Variants in PTPRT observed in about 807,000 individuals in gnomAD.
PTPRT encodes the protein protein tyrosine phosphatase receptor type T.
In PTPRT, 56 loss-of-function variants were observed where a neutral mutation model predicts 176.8. That is an observed-to-expected ratio of 0.32 (90% CI 0.26 to 0.40). PTPRT has a LOEUF of 0.40. Ranked by LOEUF, PTPRT falls within the 10% of genes least tolerant of loss-of-function variation. The pLI is 1.00. For synonymous variants in PTPRT, 783 were observed against 739.0 expected (o/e 1.06, Z -0.96); for missense variants, 1,540 against 1,908.2 (o/e 0.81, Z 3.60).
chr20:42,708,599 G>C (rs576884744), intron 6 of PTPRT, among the ~76,000 whole-genome samples: 1 of 152,276 alleles, frequency 6.6e-6, no homozygotes, highest in South Asian at 2.1e-4. Context: ...TAGCAGGCAT[G>C]CTCTACACGT....
intron 11 of PTPRT, among the ~76,000 whole-genome samples, chr20:42,349,537 G>C (rs1208508938): frequency 6.6e-6 from 1 of 152,152 alleles, no homozygotes; most frequent in Non-Finnish European, 1.5e-5. Context: ...ACTTATCCAT[G>C]GCTAGTTCAC....
At chr20:42,363,105 G>GAA (rs71193658) in intron 9 of PTPRT, among the ~76,000 whole-genome samples, 11,361 of 47,174 alleles carry the variant, frequency 0.24, 2,108 homozygotes, top group African/African-American at 0.27. Context: ...CTCCATTTCA[G>GAA]AAAAAAAAAA....
chr20:42,203,122 T>C (rs1220209703), intron 15 of PTPRT, among the ~76,000 whole-genome samples: 1 of 152,190 alleles, frequency 6.6e-6, no homozygotes, highest in Non-Finnish European at 1.5e-5. Context: ...TATGGATAGA[T>C]GTTATGGCAA....
chr20:42,185,161 C>T lies in PTPRT; in HGVS notation c.2491+14079G>A, dbSNP rs556977745. Among the ~76,000 whole-genome samples, 8 of 152,290 alleles carry T rather than the reference C, an allele frequency of 5.3e-5. No homozygotes were observed. The East Asian group carries it at 1.5e-3, about 29-fold the overall frequency. On this transcript the variant is annotated intron_variant, in intron 16 of 30. Transcript: ENST00000373187. Reference sequence around the variant, plus strand: ...GGTATCCATGACCACATAGATTAAACCCATGTAACAGGTGCCCATCATCTC... The same window carrying T: ...GGTATCCATGACCACATAGATTAAATCCATGTAACAGGTGCCCATCATCTC...
intron 7 of PTPRT, among the ~76,000 whole-genome samples, chr20:42,586,836 C>T (rs1270212637): frequency 3.3e-5 from 5 of 152,088 alleles, no homozygotes; most frequent in Admixed American, 6.5e-5. Context: ...GACAGGGTGA[C>T]CTTTTGTGGC....
chr20:42,731,716 G>A (rs906719217), intron 6 of PTPRT, among the ~76,000 whole-genome samples: 3 of 152,102 alleles, frequency 2.0e-5, no homozygotes, highest in Admixed American at 2.0e-4. Context: ...CCTCCCCTGT[G>A]GCCTCTAAGG....
At chr20:42,872,738 T>G (rs1243088958) in intron 2 of PTPRT, among the ~76,000 whole-genome samples, 1 of 152,170 alleles carries the variant, frequency 6.6e-6, no homozygotes, top group Non-Finnish European at 1.5e-5. Context: ...GGAGGGATGA[T>G]GTGTGGCCCA....
intron 12 of PTPRT, among the ~76,000 whole-genome samples, chr20:42,309,497 C>CT (rs975557051): frequency 6.6e-6 from 1 of 152,140 alleles, no homozygotes; most frequent in African/African-American, 2.4e-5. Context: ...AAAAAAGGTC[C>CT]TTTAGGACTC....
intron 7 of PTPRT, among the ~76,000 whole-genome samples, chr20:42,668,990 G>A (rs902583293): frequency 3.3e-5 from 5 of 151,058 alleles, no homozygotes; most frequent in Non-Finnish European, 7.4e-5. Context: ...GATTACAGGC[G>A]TGAGTCACCA....
Position 42,807,964 on chromosome 20 carries a change from G to A in PTPRT, c.215-16498C>T, listed in dbSNP as rs192740689. Among the ~76,000 whole-genome samples the A allele has an allele frequency of 3.0e-3, 463 of 152,282 alleles. 9 individuals carry two copies. The highest frequency in any genetic ancestry group is 0.028 in the Admixed American group (435 of 15,298). ...GAAACTTGTCTCCCCAGCTGCCAGG[G>A]CACTTAGGCACACAGTCTTTAGCAG... On this transcript the variant is annotated intron_variant, in intron 2 of 30. Transcript: ENST00000373187.
intron 1 of PTPRT, among the ~76,000 whole-genome samples, chr20:43,068,913 C>T (rs766084094): frequency 3.3e-5 from 5 of 152,176 alleles, no homozygotes; most frequent in Non-Finnish European, 5.9e-5. Flanking sequence ...TGAAAGGTCA[C>T]TGGAGTTGCA....
chr20:43,161,991 C>G (rs150782515), intron 1 of PTPRT, among the ~76,000 whole-genome samples: 1 of 152,136 alleles, frequency 6.6e-6, no homozygotes, highest in Non-Finnish European at 1.5e-5. Context: ...TACACAGACT[C>G]GATAGATTAT....
At chr20:42,106,946 T>C (rs746841481) in intron 23 of PTPRT, 25 bp from the exon 24 acceptor site, 1 of 1,608,360 alleles carries the variant, frequency 6.2e-7, no homozygotes, top group South Asian at 1.1e-5. Context: ...TGGTCTGTGT[T>C]AAGGATCTTC....
At chr20:42,217,410 CACACACACACACACAG>C (rs762086419) in intron 15 of PTPRT, among the ~76,000 whole-genome samples, 7,350 of 107,588 alleles carry the variant, frequency 0.068, 286 homozygotes, top group African/African-American at 0.13. Context: ...CACACACACA[CACACACACACACACAG>C]AACATTACGT....
intron 13 of PTPRT, among the ~76,000 whole-genome samples, chr20:42,266,954 T>C (rs368194539): frequency 2.0e-5 from 3 of 152,282 alleles, no homozygotes; most frequent in South Asian, 4.1e-4. Context: ...AAAGACTTAG[T>C]ACAAAAAAAG....
At chr20:42,972,944 T>C (rs993160874) in intron 1 of PTPRT, among the ~76,000 whole-genome samples, 1 of 152,088 alleles carries the variant, frequency 6.6e-6, no homozygotes, top group Non-Finnish European at 1.5e-5. Flanking sequence ...TTAATTTTAT[T>C]CTATTTTAAT....
chr20:42,325,934 C>G (rs565104841), intron 11 of PTPRT, among the ~76,000 whole-genome samples: 37 of 152,292 alleles, frequency 2.4e-4, no homozygotes, highest in African/African-American at 7.2e-4. Flanking sequence ...TCTCGCTATC[C>G]CCTTCCTTGA....
chr20:42,644,084 G>C (rs2074829502), intron 7 of PTPRT, among the ~76,000 whole-genome samples: 1 of 152,072 alleles, frequency 6.6e-6, no homozygotes, highest in African/African-American at 2.4e-5. Flanking sequence ...AAACCAAGGG[G>C]GCCCTAACTG....
rs1334057791 is a variant in PTPRT at position 42,617,288 on chromosome 20, C to A, written c.1153+60578G>T. On this transcript the variant is annotated intron_variant, in intron 7 of 30. Coordinates refer to ENST00000373187, the MANE Select transcript of PTPRT (RefSeq NM_007050.6). Reference sequence around the variant, plus strand: ...CCAGCCTTGCATCCCAGGGATGAAGCCTACTTGATCATGGTGGATAAGCTT... The same window carrying A: ...CCAGCCTTGCATCCCAGGGATGAAGACTACTTGATCATGGTGGATAAGCTT... Among the ~76,000 whole-genome samples the A allele has an allele frequency of 7.3e-5, 10 of 136,552 alleles. 1 individual carries two copies. The highest frequency in any genetic ancestry group is 1.4e-4 in the Non-Finnish European group (9 of 65,382). 89.6% of individuals were successfully genotyped at this position (136,552 alleles called of 152,430 possible).
Sources: gnomAD v4.1 joint callset for allele counts (sites outside exome capture counted in the v4.1 genomes callset) on GRCh38, gnomAD v4.1.1 for gene constraint, MANE v1.5 for transcripts, NCBI Gene and HGNC (gene_info 2026-07-23, HGNC 2026-07-21) for gene names.